The following PRDM2 variants were observed in gnomAD, a reference collection of about 807,000 sequenced individuals.
The protein encoded by PRDM2 is PR/SET domain 2.
In PRDM2, 30 loss-of-function variants were observed where a neutral mutation model predicts 130.0. That is an observed-to-expected ratio of 0.23 (90% confidence interval 0.17 to 0.31). PRDM2 has a LOEUF of 0.31. Ranked by LOEUF, PRDM2 falls within the 10% of genes least tolerant of loss-of-function variation. PRDM2 has a pLI of 1.00. For synonymous variants in PRDM2, 871 were observed against 782.4 expected (o/e 1.11, Z -1.89); for missense variants, 2,011 against 2,108.4 (o/e 0.95, Z 0.90).
At chr1:13,730,831 G>T (rs529087924) in intron 2 of PRDM2, among the ~76,000 whole-genome samples, 169 bp from the exon 3 acceptor site, 1 of 152,016 alleles carries the variant, frequency 6.6e-6, no homozygotes, top group African/African-American at 2.4e-5. Context: ...TTACAAACAA[G>T]CATCAAAGCA....
intron 7 of PRDM2, among the ~76,000 whole-genome samples, chr1:13,777,014 T>C (rs1644489683): frequency 6.6e-6 from 1 of 152,228 alleles, no homozygotes. Context: ...CTTGGATGTC[T>C]ATAATCAGGT....
rs376458354 is a variant in PRDM2 at position 13,756,857 on chromosome 1, C to T, written c.511+7370C>T. 2.0e-5 allele frequency among the ~76,000 whole-genome samples: 3 copies of T among 152,242 alleles called. 1 individual carries two copies. The highest frequency in any genetic ancestry group is 4.2e-4 in the South Asian group (2 of 4,818). On this transcript the variant is annotated intron_variant, in intron 6 of 9. Coordinates refer to ENST00000311066, the MANE Select transcript of PRDM2 (RefSeq NM_001393986.1). ...ATAGCTAATCCTCCCAATAATCCTG[C>T]GAAGTTGAGATCCATATCCTCATTT... is the stretch of plus-strand genomic sequence containing the variant.
chr1:13,715,858 C>T (rs949750964), intron 2 of PRDM2, among the ~76,000 whole-genome samples: 31 of 152,138 alleles, frequency 2.0e-4, no homozygotes, highest in African/African-American at 7.2e-4. Flanking sequence ...TAGGGATTTT[C>T]ATTAAGACTT....
chr1:13,814,938 G>A (rs192890531), intron 8 of PRDM2, among the ~76,000 whole-genome samples: 7 of 152,312 alleles, frequency 4.6e-5, no homozygotes, highest in Non-Finnish European at 7.3e-5. Flanking sequence ...ACAGGTGACA[G>A]GCTCTTTGTG....
At chr1:13,809,789 T>C (rs991533288) in intron 8 of PRDM2, among the ~76,000 whole-genome samples, 1 of 152,172 alleles carries the variant, frequency 6.6e-6, no homozygotes, top group Non-Finnish European at 1.5e-5. Context: ...TCTGGGCAAG[T>C]TGTCTTAACA....
intron 8 of PRDM2, among the ~76,000 whole-genome samples, chr1:13,805,050 CTTCT>C (rs1208729098): frequency 6.6e-6 from 1 of 152,174 alleles, no homozygotes; most frequent in Non-Finnish European, 1.5e-5. Context: ...GAGTGTCCAG[CTTCT>C]TTATTTCTCT....
rs900241593 is a variant in PRDM2 at position 13,779,561 on chromosome 1, A to T, written c.1766A>T (p.Glu589Val). 1 of 1,614,054 alleles carries T rather than the reference A, an allele frequency of 6.2e-7. No homozygotes were observed. The highest frequency in any genetic ancestry group is 8.5e-7 in the Non-Finnish European group (1 of 1,180,012). Reference sequence around the variant, plus strand: ...AGTAACTGTGATGTGATTGAGATGGAGTCTGCTTCGGCAGATTTGTATGGT... The same window carrying T: ...AGTAACTGTGATGTGATTGAGATGGTGTCTGCTTCGGCAGATTTGTATGGT... ...NTSNCDVIEM[E>V]SASADLYGIN... Residue 589 changes from glutamate (E) to valine (V), a missense_variant, in exon 8 of 10, where the codon GAG (glutamate) becomes GTG (valine). Transcript: ENST00000311066. This position sits in a 1 kb window ranked among gnomAD's most constrained non-coding sequence, Gnocchi z 4.9.
At position 13,741,986 on chromosome 1, in the gene PRDM2, A is replaced by C. The variant is rs1643460763; in HGVS notation, c.232-19A>C. 6.6e-7 allele frequency: 1 copy of C among 1,509,960 alleles called. No homozygotes were observed. Among genetic ancestry groups the C allele is most frequent in the African/African-American group, 1.4e-5 (1 of 71,304 alleles). 93.5% of individuals were successfully genotyped at this position (1,509,960 alleles called of 1,614,324 possible). A position where few individuals can be genotyped will look rare whatever the true frequency, so the allele number is the denominator to read the frequency against. On this transcript the variant is annotated intron_variant, in intron 4 of 9. Transcript: ENST00000311066. Reference sequence around the variant, plus strand: ...ACTCCTATTTTAACAAAAGTTTTTTACTTTTCTCCATTTTCAAGGTGTATT... The same window carrying C: ...ACTCCTATTTTAACAAAAGTTTTTTCCTTTTCTCCATTTTCAAGGTGTATT...
intron 8 of PRDM2, among the ~76,000 whole-genome samples, chr1:13,801,261 G>A (rs960216422): frequency 1.3e-5 from 2 of 152,232 alleles, no homozygotes; most frequent in Non-Finnish European, 2.9e-5. Context: ...CTTTGACAAA[G>A]CCATCCCTTG....
intron 8 of PRDM2, chr1:13,787,651 A>C: frequency 2.1e-6 from 2 of 969,636 alleles, no homozygotes; most frequent in Non-Finnish European, 2.5e-6. Context: ...TAAAATATTT[A>C]AAATTATTTA....
At chr1:13,701,391 C>A (rs1288972289) in intron 1 of PRDM2, among the ~76,000 whole-genome samples, 1 of 152,122 alleles carries the variant, frequency 6.6e-6, no homozygotes, top group African/African-American at 2.4e-5. Context: ...TCAATGATTT[C>A]TTTTACAATG....
intron 1 of PRDM2, among the ~76,000 whole-genome samples, chr1:13,701,561 G>T (rs1175161551): frequency 2.6e-5 from 4 of 152,000 alleles, no homozygotes; most frequent in African/African-American, 7.2e-5. Context: ...TTTTTGAGAT[G>T]GTCCAAACTG....
chr1:13,731,854 C>A (rs1227707248), intron 3 of PRDM2, among the ~76,000 whole-genome samples: 17 of 152,220 alleles, frequency 1.1e-4, no homozygotes, highest in Admixed American at 1.1e-3. Context: ...TTAATACATG[C>A]TTTTAAAAAT....
intron 8 of PRDM2, among the ~76,000 whole-genome samples, chr1:13,813,790 G>A (rs1645212834): frequency 6.6e-6 from 1 of 152,214 alleles, no homozygotes; most frequent in African/African-American, 2.4e-5. Flanking sequence ...GCCCTGAGCC[G>A]GGGAGGAGGC....
intron 8 of PRDM2, among the ~76,000 whole-genome samples, chr1:13,797,601 G>A (rs1341569392): frequency 6.6e-6 from 1 of 152,182 alleles, no homozygotes; most frequent in African/African-American, 2.4e-5. Context: ...AGAGCATTTT[G>A]CGGTTTGGTT....
At position 13,809,984 on chromosome 1, in the gene PRDM2, G is replaced by A. The variant is rs191393205; in HGVS notation, c.5037-6443G>A. ...TCTGTGTCCTCACATGACCTTTTTC[G>A]AGCACACGCATCTTCTTACAAGGCA... On this transcript the variant is annotated intron_variant, in intron 8 of 9. Transcript: ENST00000311066. 3.2e-3 allele frequency among the ~76,000 whole-genome samples: 485 copies of A among 151,900 alleles called. 4 individuals carry two copies. The highest frequency in any genetic ancestry group is 0.012 in the South Asian group (56 of 4,814).
intron 5 of PRDM2, among the ~76,000 whole-genome samples, chr1:13,746,456 G>A (rs918124111): frequency 1.1e-4 from 16 of 151,740 alleles, no homozygotes; most frequent in Admixed American, 8.5e-4. Context: ...ATAAAGTTGC[G>A]AAGCATATAT....
intron 6 of PRDM2, among the ~76,000 whole-genome samples, chr1:13,765,348 C>T (rs1199901761): frequency 6.6e-6 from 1 of 152,222 alleles, no homozygotes; most frequent in Admixed American, 6.5e-5. Context: ...CAGCTTCTCT[C>T]TTCCTCTCTA....
At chr1:13,774,019 G>A (rs1644416189) in intron 7 of PRDM2, among the ~76,000 whole-genome samples, 1 of 152,322 alleles carries the variant, frequency 6.6e-6, no homozygotes, top group Middle Eastern at 3.4e-3. Context: ...TATACAGAAT[G>A]AAGTGTGTTT....
Sources: allele counts gnomAD v4.1 joint callset (sites outside exome capture counted in the v4.1 genomes callset), GRCh38; gene constraint gnomAD v4.1.1; non-coding constraint Gnocchi (gnomAD v3.1); transcripts MANE v1.5; gene names NCBI Gene and HGNC (gene_info 2026-07-23, HGNC 2026-07-21).